MYT1L: variants seen among roughly 807,000 people sequenced by gnomAD.
MYT1L encodes myelin transcription factor 1 like.
Under a neutral mutation model 126.7 loss-of-function variants are expected in MYT1L, and 12 were observed. That is an observed-to-expected ratio of 0.09 (90% CI 0.06 to 0.15). The LOEUF is 0.15. Ranked by LOEUF, MYT1L falls within the 10% of genes least tolerant of loss-of-function variation. The probability of loss-of-function intolerance (pLI) is 1.00; values close to 1 mark genes in which losing one functional copy is unlikely to be tolerated. For missense variants in MYT1L, 979 were observed against 1,585.2 expected (o/e 0.62, Z 6.49); for synonymous variants, 541 against 604.2 (o/e 0.90, Z 1.53).
At chr2:1,802,236 C>A (rs550757266) in intron 22 of MYT1L, among the ~76,000 whole-genome samples, 8 of 152,262 alleles carry the variant, frequency 5.3e-5, no homozygotes, top group South Asian at 2.1e-4. Flanking sequence ...TCTGCAGGTA[C>A]GTTCACCAAC....
chr2:2,045,693 C>A (rs1477115023), intron 4 of MYT1L, among the ~76,000 whole-genome samples: 1 of 151,958 alleles, frequency 6.6e-6, no homozygotes, highest in African/African-American at 2.4e-5. Flanking sequence ...AGAAATTAGA[C>A]AAATTGCCTT....
intron 2 of MYT1L, among the ~76,000 whole-genome samples, chr2:2,214,915 A>G (rs551869782): frequency 6.6e-6 from 1 of 152,324 alleles, no homozygotes; most frequent in East Asian, 1.9e-4. Flanking sequence ...AATAAAATGT[A>G]TGATAATAGC....
intron 3 of MYT1L, among the ~76,000 whole-genome samples, chr2:2,057,855 G>A (rs918933144): frequency 6.6e-6 from 1 of 152,126 alleles, no homozygotes; most frequent in Non-Finnish European, 1.5e-5. Context: ...GAGGCCATCT[G>A]GGCTATTTCC....
At chr2:2,298,241 G>T (rs540641766) in intron 1 of MYT1L, among the ~76,000 whole-genome samples, 53 of 152,218 alleles carry the variant, frequency 3.5e-4, no homozygotes, top group Non-Finnish European at 5.7e-4. Context: ...ATACGTGGAA[G>T]ATTCTGGGAG....
chr2:2,105,972 G>C (rs776457691), intron 3 of MYT1L, among the ~76,000 whole-genome samples: 3 of 152,168 alleles, frequency 2.0e-5, no homozygotes, highest in Non-Finnish European at 2.9e-5. Flanking sequence ...ACCAGGGACT[G>C]TGCATTTCTT....
chr2:1,842,985 C>A (rs993891795), intron 19 of MYT1L: 1 of 141,754 alleles, frequency 7.1e-6, no homozygotes, highest in Non-Finnish European at 1.5e-5. Context: ...TACCGGCCCC[C>A]GGGCTGGGAA....
intron 2 of MYT1L, among the ~76,000 whole-genome samples, chr2:2,200,418 G>A (rs556407626): frequency 3.9e-5 from 6 of 152,246 alleles, no homozygotes; most frequent in African/African-American, 7.2e-5. Context: ...GGAGGCCACC[G>A]GCATTCTGTG....
chr2:2,154,484 G>A (rs1316460521), intron 3 of MYT1L, among the ~76,000 whole-genome samples: 3 of 152,198 alleles, frequency 2.0e-5, no homozygotes, highest in African/African-American at 7.2e-5. Context: ...ATACACCATG[G>A]AATACTATGC....
At chr2:2,002,103 T>C (rs2062449542) in intron 4 of MYT1L, among the ~76,000 whole-genome samples, 1 of 152,182 alleles carries the variant, frequency 6.6e-6, no homozygotes, top group Non-Finnish European at 1.5e-5. Flanking sequence ...CCTCAAATGC[T>C]TTCCATTCTA....
chr2:1,836,191 C>T (rs183717226), intron 21 of MYT1L, among the ~76,000 whole-genome samples: 16 of 152,180 alleles, frequency 1.1e-4, no homozygotes, highest in East Asian at 3.9e-4. Context: ...TACTCACTGA[C>T]GTGGCCTGTG....
Position 2,224,711 on chromosome 2 carries a change from T to C in MYT1L, c.-420-51723A>G, listed in dbSNP as rs1808360. 0.71 allele frequency among the ~76,000 whole-genome samples: 107,208 copies of C among 151,704 alleles called. 38,138 individuals carry two copies. Among genetic ancestry groups the C allele is most frequent in the East Asian group, 0.78 (4,003 of 5,118 alleles). On this transcript the variant is annotated intron_variant, in intron 2 of 24. Coordinates refer to ENST00000647738, the MANE Select transcript of MYT1L (RefSeq NM_001303052.2). The surrounding 1 kb of genome is among the most constrained non-coding windows in gnomAD (Gnocchi z 4.0). ...GCGGGCACCTGTAGTCCCAGCTACT[T>C]GGGAAGCTGAGACAGGAGAATGACA...
chr2:2,310,788 T>C (rs1313624135), intron 1 of MYT1L, among the ~76,000 whole-genome samples: 7 of 152,154 alleles, frequency 4.6e-5, no homozygotes, highest in African/African-American at 1.7e-4. Context: ...CTATAAAATA[T>C]CTGAGACCCA....
rs191028654 is a variant in MYT1L at position 1,943,698 on chromosome 2, T to C, written c.153-364A>G. Among the ~76,000 whole-genome samples, 35 of 152,302 alleles carry C rather than the reference T, an allele frequency of 2.3e-4. No homozygotes were observed. The East Asian group carries it at 6.2e-3, about 27-fold the overall frequency. On this transcript the variant is annotated intron_variant, in intron 8 of 24. Coordinates refer to ENST00000647738, the MANE Select transcript of MYT1L (RefSeq NM_001303052.2). This position sits in a 1 kb window ranked among gnomAD's most constrained non-coding sequence, Gnocchi z 4.4. ...CAAATTTATGAAACATTTTACCAAA[T>C]ATATACTATGTATAATATACATCTG...
chr2:1,840,727 T>C (rs1179211743), intron 20 of MYT1L, 33 bp downstream of exon 20: 1 of 1,488,352 alleles, frequency 6.7e-7, no homozygotes, highest in South Asian at 1.2e-5. Context: ...ATGGCAGCCC[T>C]GCTATGGTTC....
At chr2:2,198,538 CAT>C (rs2092922603) in intron 2 of MYT1L, among the ~76,000 whole-genome samples, 1 of 152,054 alleles carries the variant, frequency 6.6e-6, no homozygotes, top group Non-Finnish European at 1.5e-5. Context: ...ATTCCATAAA[CAT>C]GTACAATTAC....
At chr2:2,103,514 G>A (rs73911355) in intron 3 of MYT1L, among the ~76,000 whole-genome samples, 1,925 of 152,316 alleles carry the variant, frequency 0.013, 35 homozygotes, top group African/African-American at 0.04. Context: ...CTTGGCCATC[G>A]GCCAGCGAGA....
chr2:2,078,446 G>T (rs999477159), intron 3 of MYT1L, among the ~76,000 whole-genome samples: 1 of 152,050 alleles, frequency 6.6e-6, no homozygotes, highest in African/African-American at 2.4e-5. Flanking sequence ...TCTAGAAAAC[G>T]CACTTTGAAT....
chr2:1,942,925 C>A, intron 9 of MYT1L, 57 bp downstream of exon 9: 1 of 1,481,550 alleles, frequency 6.7e-7, no homozygotes, highest in Non-Finnish European at 9.0e-7. Flanking sequence ...CGGCAATTCA[C>A]CTTGAACAGT....
chr2:2,260,614 G>A (rs115878300), intron 2 of MYT1L, among the ~76,000 whole-genome samples: 2 of 151,906 alleles, frequency 1.3e-5, no homozygotes, highest in African/African-American at 2.4e-5. Context: ...TCTGTTTTAC[G>A]TATTTTTTTC....
Sources: allele counts gnomAD v4.1 joint callset (sites outside exome capture counted in the v4.1 genomes callset), GRCh38; gene constraint gnomAD v4.1.1; non-coding constraint Gnocchi (gnomAD v3.1); transcripts MANE v1.5; gene names NCBI Gene and HGNC (gene_info 2026-07-23, HGNC 2026-07-21).